PLXNC1: variants seen among roughly 807,000 people sequenced by gnomAD.
PLXNC1 encodes the protein plexin-C1.
Under a neutral mutation model 178.2 loss-of-function variants are expected in PLXNC1, and 75 were observed. The observed-to-expected ratio is 0.42, with a 90% CI of 0.35 to 0.51. The LOEUF (loss-of-function observed/expected upper bound fraction) is 0.51, where lower values mean the gene tolerates loss of function less well. PLXNC1 is among the 20% of genes least tolerant of loss of function. The pLI is 0.02. For missense variants in PLXNC1, 1,503 were observed against 1,984.4 expected (o/e 0.76, Z 4.61); for synonymous variants, 790 against 779.9 (o/e 1.01, Z -0.22).
At chr12:94,289,236 T>C (rs1475767823) in intron 23 of PLXNC1, among the ~76,000 whole-genome samples, 1 of 152,214 alleles carries the variant, frequency 6.6e-6, no homozygotes, top group South Asian at 2.1e-4. Flanking sequence ...GTTGTTGATA[T>C]GGGTCTTTTT....
At chr12:94,297,659 G>T (rs938579179) in intron 26 of PLXNC1, among the ~76,000 whole-genome samples, 1 of 152,232 alleles carries the variant, frequency 6.6e-6, no homozygotes, top group East Asian at 1.9e-4. Context: ...ATTTAATATT[G>T]TTCCCAGTCT....
chr12:94,177,236 T>G (rs1337262344), intron 2 of PLXNC1, among the ~76,000 whole-genome samples: 1 of 108,202 alleles, frequency 9.2e-6, no homozygotes, highest in Non-Finnish European at 2.1e-5. Context: ...TATACATATA[T>G]ATATATATAT....
chr12:94,161,530 A>G (rs1193537484), intron 1 of PLXNC1, among the ~76,000 whole-genome samples: 1 of 152,248 alleles, frequency 6.6e-6, no homozygotes, highest in East Asian at 1.9e-4. Context: ...AAAGGACACA[A>G]TGATAGGGCA....
intron 20 of PLXNC1, among the ~76,000 whole-genome samples, chr12:94,261,864 A>G (rs112738166): frequency 0.049 from 7,480 of 152,230 alleles, 625 homozygotes; most frequent in African/African-American, 0.17. Context: ...AAGTAGATGC[A>G]CAACAATTTT....
Position 94,186,421 on chromosome 12 carries a change from G to C in PLXNC1, c.1387G>C (p.Glu463Gln), listed in dbSNP as rs575847185. 1 of 1,613,898 alleles carries C rather than the reference G, an allele frequency of 6.2e-7. No homozygotes were observed. The highest frequency in any genetic ancestry group is 1.3e-5 in the African/African-American group (1 of 74,934). Residue 463 changes from glutamate to glutamine, a missense_variant, in exon 4 of 31, where the codon GAG (glutamate) becomes CAG (glutamine). Around this residue, in one of 4 missense-constraint regions of PLXNC1, gnomAD observed 615 missense variants for 698.6 expected, o/e 0.88. Transcript: ENST00000258526. The part of the protein sequence containing the change: ...ANCNKHKSCS[E>Q]CLTATDPHCG... ...CTGCAATAAACATAAATCCTGTTCG[G>C]AGTGTTTAACAGCCACAGACCCTCA...
chr12:94,217,015 T>C (rs1017353434), intron 5 of PLXNC1, among the ~76,000 whole-genome samples: 61 of 151,468 alleles, frequency 4.0e-4, no homozygotes, highest in Middle Eastern at 3.4e-3. Flanking sequence ...TTCACCTCAC[T>C]GGCTCCTCTC....
At position 94,305,423 on chromosome 12, in the gene PLXNC1, A is replaced by C. The variant is rs932213326; in HGVS notation, c.*138A>C. The C allele has an allele frequency of 4.9e-6, 3 of 608,560 alleles. No homozygotes were observed. Among genetic ancestry groups the C allele is most frequent in the Non-Finnish European group, 5.9e-6 (2 of 339,114 alleles). The allele number at this position is 608,560 out of a possible 1,614,324, so 37.7% of individuals were successfully genotyped here. On this transcript the variant is annotated 3_prime_UTR_variant, in exon 31 of 31. Coordinates refer to ENST00000258526, the MANE Select transcript of PLXNC1 (RefSeq NM_005761.3). ...TGGGCACTGTCTTTTTAAGAGACCA[A>C]GGCACATGCACAGCTTTTAGAAAGC...
chr12:94,171,767 C>T (rs537760706), intron 2 of PLXNC1, among the ~76,000 whole-genome samples: 14 of 152,224 alleles, frequency 9.2e-5, no homozygotes, highest in South Asian at 8.3e-4. Flanking sequence ...GAGAATAAGG[C>T]GGACCATCTG....
At chr12:94,289,971 G>A (rs892975836) in intron 23 of PLXNC1, among the ~76,000 whole-genome samples, 1 of 152,234 alleles carries the variant, frequency 6.6e-6, no homozygotes, top group South Asian at 2.1e-4. Flanking sequence ...CCTGAGCACA[G>A]CACTAGCAGC....
rs116050174 is a variant in PLXNC1, at chr12:94,218,324, C to T, written c.1555-1692C>T. Among the ~76,000 whole-genome samples, 473 of 152,156 alleles carry T rather than the reference C, an allele frequency of 3.1e-3. 2 individuals carry two copies. Among genetic ancestry groups the T allele is most frequent in the African/African-American group, 0.011 (455 of 41,486 alleles). On this transcript the variant is annotated intron_variant, in intron 5 of 30. Coordinates refer to ENST00000258526, the MANE Select transcript of PLXNC1 (RefSeq NM_005761.3). ...AAAATGGGAAGATAGGGGTGACCTCCGGGGACTAGATTAGACTTAGCAAGC... is the reference window on the plus strand; with the variant it reads ...AAAATGGGAAGATAGGGGTGACCTCTGGGGACTAGATTAGACTTAGCAAGC...
In PLXNC1 at chr12:94,192,409, C is replaced by G. The variant is rs1962761333; in HGVS notation, c.1439+5936C>G. Among the ~76,000 whole-genome samples the G allele has an allele frequency of 2.6e-5, 4 of 151,730 alleles. No individual in the cohort carries two copies. In the South Asian group the frequency reaches 8.3e-4, roughly 32 times the overall value. The stretch of plus-strand genomic sequence containing the variant: ...ACAGTTCTTTCTTGTCTCTATAGAG[C>G]TTGCAATCTAATGGGGGATATAATG... On this transcript the variant is annotated intron_variant, in intron 4 of 30. Coordinates refer to ENST00000258526, the MANE Select transcript of PLXNC1 (RefSeq NM_005761.3).
Position 94,283,085 on chromosome 12 carries a change from G to C in PLXNC1, c.3879+684G>C, listed in dbSNP as rs188126768. On this transcript the variant is annotated intron_variant, in intron 23 of 30. Coordinates refer to ENST00000258526, the MANE Select transcript of PLXNC1 (RefSeq NM_005761.3). ...GAATATCCACTCTGATAAGAGCTGG[G>C]GCTGCATGGGAGAGGAGCAAAGACC... Among the ~76,000 whole-genome samples the C allele has an allele frequency of 1.6e-4, 24 of 152,342 alleles. No individual in the cohort carries two copies. In the East Asian group the frequency reaches 4.4e-3, roughly 28 times the overall value.
chr12:94,209,713 A>T lies in PLXNC1; in HGVS notation c.1554+9A>T. The T allele has an allele frequency of 6.6e-7, 1 of 1,508,068 alleles. No homozygotes were observed. The highest frequency in any genetic ancestry group is 9.2e-7 in the Non-Finnish European group (1 of 1,084,328). 93.4% of individuals were successfully genotyped at this position (1,508,068 alleles called of 1,614,324 possible). ...GAAGCAGTAAAGAAAAGGTAAGAGG[A>T]AAGATTTTAATTTGTCCTCGTTGTA... is the stretch of plus-strand genomic sequence containing the variant. On this transcript the variant is annotated intron_variant, in intron 5 of 30. Transcript: ENST00000258526.
intron 21 of PLXNC1, among the ~76,000 whole-genome samples, chr12:94,266,201 C>T (rs548706159): frequency 5.3e-5 from 8 of 152,208 alleles, no homozygotes; most frequent in African/African-American, 1.7e-4. Flanking sequence ...ACCACTTTGC[C>T]GTGGAGCGTG....
chr12:94,182,575 A>G (rs1017299119), intron 3 of PLXNC1, among the ~76,000 whole-genome samples: 2 of 151,732 alleles, frequency 1.3e-5, no homozygotes, highest in African/African-American at 4.8e-5. Flanking sequence ...AATACAAACA[A>G]TTAGCTGGGC....
intron 4 of PLXNC1, among the ~76,000 whole-genome samples, chr12:94,194,015 C>T (rs1962822747): frequency 6.6e-6 from 1 of 152,128 alleles, no homozygotes; most frequent in South Asian, 2.1e-4. Context: ...GTTCTGCTGG[C>T]TGTACAGGAA....
chr12:94,267,830 C>T (rs185520252), intron 21 of PLXNC1, among the ~76,000 whole-genome samples: 1 of 152,286 alleles, frequency 6.6e-6, no homozygotes, highest in Non-Finnish European at 1.5e-5. Flanking sequence ...TTTCTTTCTT[C>T]CTCCCTTCCC....
chr12:94,175,132 C>T (rs1565793044), intron 2 of PLXNC1, among the ~76,000 whole-genome samples: 1 of 152,054 alleles, frequency 6.6e-6, no homozygotes, highest in Non-Finnish European at 1.5e-5. Context: ...CAGGCATGCA[C>T]GTGTGTGTAT....
Position 94,149,110 on chromosome 12 carries a change from G to A in PLXNC1, c.139G>A (p.Gly47Arg). The A allele has an allele frequency of 1.9e-6, 3 of 1,586,754 alleles. No homozygotes were observed. The highest frequency in any genetic ancestry group is 2.6e-6 in the Non-Finnish European group (3 of 1,172,162). ...CGTGTGGCGGTCGGAGCAAGCCATC[G>A]GAGCCATCGCGGCGAGCCAGGAGGA... ...EPVWRSEQAI[G>R]AIAASQEDGV... Residue 47 changes from glycine (G) to arginine (R), a missense_variant, in exon 1 of 31, where the codon GGA becomes AGA. Coordinates refer to ENST00000258526, the MANE Select transcript of PLXNC1 (RefSeq NM_005761.3).
Sources: allele counts gnomAD v4.1 joint callset (sites outside exome capture counted in the v4.1 genomes callset), GRCh38; gene constraint gnomAD v4.1.1; regional missense constraint gnomAD v4.1.1; transcripts MANE v1.5; gene names NCBI Gene and HGNC (gene_info 2026-07-23, HGNC 2026-07-21).